The following PPP1R1C variants were observed in gnomAD, a reference collection of about 807,000 sequenced individuals.
PPP1R1C encodes protein phosphatase 1 regulatory subunit 1C.
In PPP1R1C, 15 loss-of-function variants were observed where a neutral mutation model predicts 17.4. That is an observed-to-expected ratio of 0.86 (90% CI 0.58 to 1.33). PPP1R1C has a LOEUF of 1.33. Among genes scored for constraint, PPP1R1C ranks in the 40% most tolerant of loss-of-function variants. The pLI, the probability that PPP1R1C is intolerant of heterozygous loss-of-function variation, is 0.00. For synonymous variants in PPP1R1C, 35 were observed against 43.1 expected, an observed-to-expected ratio of 0.81 and a Z score of 0.73; for missense variants, 143 against 130.0, an observed-to-expected ratio of 1.10 and a Z score of -0.48.
At chr2:182,087,630 A>G (rs539147471) in intron 4 of PPP1R1C, among the ~76,000 whole-genome samples, 61 of 152,304 alleles carry the variant, frequency 4.0e-4, no homozygotes, top group African/African-American at 1.4e-3. Flanking sequence ...CTGTTGAGTG[A>G]ATGAATGGAC....
At chr2:182,075,066 A>C (rs956474105) in intron 4 of PPP1R1C, among the ~76,000 whole-genome samples, 2 of 152,206 alleles carry the variant, frequency 1.3e-5, no homozygotes, top group African/African-American at 2.4e-5. Context: ...ACAATATAAA[A>C]ATTATGTGAT....
At chr2:182,129,469 T>A (rs1689953938) in exon 6 of PPP1R1C, 1 of 152,138 alleles carries the variant, frequency 6.6e-6, no homozygotes, top group South Asian at 2.1e-4. Flanking sequence ...ACTGATAGTC[T>A]ACTACCTGCC....
upstream of PPP1R1C, among the ~76,000 whole-genome samples, chr2:181,982,439 C>T (rs775663429): frequency 3.3e-5 from 5 of 152,018 alleles, no homozygotes; most frequent in Non-Finnish European, 5.9e-5. Flanking sequence ...TACTAGATGA[C>T]GAGCATCTTG....
chr2:181,961,730 C>T lies in PPP1R1C; in HGVS notation n.111+7096C>T, dbSNP rs1684798071. On this transcript the variant is annotated intron_variant and non_coding_transcript_variant, in intron 1 of 5. Transcript: ENST00000464264. The surrounding 1 kb of genome is among the most constrained non-coding windows in gnomAD (Gnocchi z 5.8). The stretch of plus-strand genomic sequence containing the variant: ...AGCTCATCATATTGGGCCCGGATAT[C>T]TGCTATGATCTTGGCAAGGTCCTGA... 3 of 876,742 alleles carry T rather than the reference C, an allele frequency of 3.4e-6. No individual in the cohort carries two copies. In the South Asian group the frequency reaches 3.9e-5, roughly 12 times the overall value. 54.3% of individuals were successfully genotyped at this position (876,742 alleles called of 1,614,324 possible). A position where few individuals can be genotyped will look rare whatever the true frequency, so the allele number is the denominator to read the frequency against.
intron 4 of PPP1R1C, among the ~76,000 whole-genome samples, chr2:182,109,337 T>A (rs1427699473): frequency 6.6e-6 from 1 of 152,202 alleles, no homozygotes; most frequent in African/African-American, 2.4e-5. Flanking sequence ...GCAGATGTTT[T>A]AATTTTAATG....
intron 1 of PPP1R1C, 99 bp from the exon 2 acceptor site, chr2:181,987,740 T>G: frequency 8.2e-7 from 1 of 1,215,080 alleles, no homozygotes; most frequent in South Asian, 1.4e-5. Flanking sequence ...CTTTTGCATG[T>G]GGGGAAAAGA....
At chr2:181,972,073 T>G (rs1288172915) in intron 1 of PPP1R1C, among the ~76,000 whole-genome samples, 1 of 152,210 alleles carries the variant, frequency 6.6e-6, no homozygotes, top group African/African-American at 2.4e-5. Context: ...TGAAGGACTT[T>G]TGTGTGAATA....
chr2:181,991,627 G>A (rs1225329496), intron 2 of PPP1R1C, among the ~76,000 whole-genome samples: 1 of 152,068 alleles, frequency 6.6e-6, no homozygotes, highest in African/African-American at 2.4e-5. Context: ...ACTGAGATAG[G>A]GGAAGTAGGG....
chr2:182,017,071 G>A (rs1484904677), intron 2 of PPP1R1C, among the ~76,000 whole-genome samples: 1 of 152,106 alleles, frequency 6.6e-6, no homozygotes, highest in Non-Finnish European at 1.5e-5. Flanking sequence ...TGAAGTCTTT[G>A]CCAAATACTT....
intron 2 of PPP1R1C, among the ~76,000 whole-genome samples, chr2:182,001,181 A>G (rs1685755532): frequency 6.6e-6 from 1 of 152,218 alleles, no homozygotes; most frequent in Admixed American, 6.5e-5. Context: ...CTCAACAAGA[A>G]TGAATTTTAG....
chr2:182,053,777 A>T (rs928490845), intron 2 of PPP1R1C, among the ~76,000 whole-genome samples: 1 of 145,954 alleles, frequency 6.9e-6, no homozygotes, highest in African/African-American at 2.5e-5. Flanking sequence ...TTATTTATTT[A>T]TTTTATTTAT....
rs115132625 is a variant in PPP1R1C at position 182,127,140 on chromosome 2, A to T, written c.*7-1834A>T. On this transcript the variant is annotated intron_variant, in intron 5 of 5. Coordinates refer to the PPP1R1C transcript ENST00000280295. The stretch of plus-strand genomic sequence containing the variant: ...TCTTCAGACAAAGTGTTAACTTACA[A>T]GGCAGACAGTTACCAGAAGTCCAGC... Among the ~76,000 whole-genome samples the T allele has an allele frequency of 7.7e-3, 1,179 of 152,202 alleles. 14 individuals are homozygous for T. The highest frequency in any genetic ancestry group is 0.027 in the African/African-American group (1,127 of 41,556).
chr2:182,105,061 T>TA lies in PPP1R1C; in HGVS notation c.242-12137dup, dbSNP rs200042895. Among the ~76,000 whole-genome samples the TA allele has an allele frequency of 4.1e-3, 621 of 150,956 alleles. 5 individuals carry two copies. The highest frequency in any genetic ancestry group is 0.014 in the African/African-American group (589 of 41,150). On this transcript the variant is annotated intron_variant, in intron 4 of 4. Transcript: ENST00000682840. ...TTCTTTGAAAGGGGAAGAGATATTGTAAAAAAAAATGAGGGGTGGAAAAAA... is the reference window on the plus strand; with the variant it reads ...TTCTTTGAAAGGGGAAGAGATATTGTAAAAAAAAAATGAGGGGTGGAAAAAA...
intron 2 of PPP1R1C, among the ~76,000 whole-genome samples, chr2:182,026,540 G>A (rs1338629843): frequency 6.7e-6 from 1 of 149,266 alleles, no homozygotes; most frequent in Non-Finnish European, 1.5e-5. Flanking sequence ...CGTTATTTCT[G>A]AGGGCTGTGT....
chr2:182,048,900 T>C (rs1433487696), intron 2 of PPP1R1C: 1 of 152,228 alleles, frequency 6.6e-6, no homozygotes, highest in Admixed American at 6.5e-5. Flanking sequence ...TGGTGAGTAG[T>C]TGGATGGGAA....
At chr2:182,091,666 A>G (rs1429418366) in intron 4 of PPP1R1C, among the ~76,000 whole-genome samples, 1 of 152,152 alleles carries the variant, frequency 6.6e-6, no homozygotes, top group African/African-American at 2.4e-5. Flanking sequence ...TGGAGTTAGG[A>G]TGTGTATGGA....
chr2:181,996,598 A>G (rs1266730840), intron 2 of PPP1R1C, among the ~76,000 whole-genome samples: 1 of 152,242 alleles, frequency 6.6e-6, no homozygotes, highest in African/African-American at 2.4e-5. Flanking sequence ...TGAAAGACAT[A>G]TATTGACAAT....
intron 2 of PPP1R1C, among the ~76,000 whole-genome samples, chr2:182,041,281 G>T (rs1055730694): frequency 6.6e-6 from 1 of 152,126 alleles, no homozygotes. Context: ...ATCGACATTA[G>T]ATATGGACTT....
intron 2 of PPP1R1C, among the ~76,000 whole-genome samples, chr2:182,001,620 G>A (rs532479057): frequency 7.2e-5 from 11 of 152,102 alleles, no homozygotes; most frequent in African/African-American, 2.7e-4. Context: ...TTTCCTTTGA[G>A]TTGTAAAATA....
Sources: gnomAD v4.1 joint callset for allele counts (sites outside exome capture counted in the v4.1 genomes callset) on GRCh38, gnomAD v4.1.1 for gene constraint, Gnocchi (gnomAD v3.1) non-coding constraint, MANE v1.5 for transcripts, NCBI Gene and HGNC (gene_info 2026-07-23, HGNC 2026-07-21) for gene names.